The following MTHFD2L variants were observed in gnomAD, a reference collection of about 807,000 sequenced individuals.
MTHFD2L encodes the protein methylenetetrahydrofolate dehydrogenase (NADP+ dependent) 2 like, also known as bifunctional methylenetetrahydrofolate dehydrogenase/cyclohydrolase 2, mitochondrial.
Under a neutral mutation model 34.9 loss-of-function variants are expected in MTHFD2L, and 29 were observed. The ratio of observed to expected loss-of-function variants is 0.83; its 90% CI spans 0.62 to 1.13. The LOEUF (loss-of-function observed/expected upper bound fraction) is 1.13. Ranked by LOEUF, MTHFD2L falls within the 50% of genes most tolerant of loss-of-function variation. The probability of loss-of-function intolerance (pLI) is 0.00; values close to 1 mark genes in which losing one functional copy is unlikely to be tolerated. For missense variants in MTHFD2L, 481 were observed against 446.5 expected, an observed-to-expected ratio of 1.08 and a Z score of -0.70; for synonymous variants, 167 against 155.7, an observed-to-expected ratio of 1.07 and a Z score of -0.54.
chr4:74,186,438 G>GAAAAAAAAAAAAA (rs59325238), intron 3 of MTHFD2L, among the ~76,000 whole-genome samples: 12 of 88,194 alleles, frequency 1.4e-4, no homozygotes, highest in African/African-American at 1.8e-4. Flanking sequence ...GGGAATCCAT[G>GAAAAAAAAAAAAA]AAAAAAAAAA....
chr4:74,170,289 A>T (rs1727636092), intron 1 of MTHFD2L, among the ~76,000 whole-genome samples: 1 of 152,250 alleles, frequency 6.6e-6, no homozygotes, highest in Admixed American at 6.5e-5. Flanking sequence ...ACCAACTGGG[A>T]TGTATCCCAG....
intron 4 of MTHFD2L, among the ~76,000 whole-genome samples, chr4:74,200,925 G>A (rs1734306252): frequency 6.6e-6 from 1 of 151,990 alleles, no homozygotes; most frequent in Non-Finnish European, 1.5e-5. Context: ...AATTAAGTTC[G>A]ACATTGTTGT....
chr4:74,218,623 C>T (rs1411190098), intron 5 of MTHFD2L, among the ~76,000 whole-genome samples: 1 of 151,064 alleles, frequency 6.6e-6, no homozygotes, highest in African/African-American at 2.4e-5. Flanking sequence ...AGCCCCCCCC[C>T]CACCACCAAA....
chr4:74,230,914 T>C (rs1739947561), intron 6 of MTHFD2L, among the ~76,000 whole-genome samples: 1 of 152,110 alleles, frequency 6.6e-6, no homozygotes. Flanking sequence ...TTGTCCACAT[T>C]ACCCTCCACC....
intron 6 of MTHFD2L, among the ~76,000 whole-genome samples, chr4:74,255,229 G>A (rs1267817385): frequency 1.3e-5 from 2 of 151,698 alleles, no homozygotes; most frequent in East Asian, 1.9e-4. Context: ...ATTTGTGGGG[G>A]AAGGAGAAGT....
At chr4:74,194,065 G>A (rs1271832467) in intron 3 of MTHFD2L, 1 of 152,090 alleles carries the variant, frequency 6.6e-6, no homozygotes, top group East Asian at 1.9e-4. Flanking sequence ...TCAGATTGGG[G>A]ACTTAAAGAT....
chr4:74,260,562 T>C (rs539533909), intron 6 of MTHFD2L, among the ~76,000 whole-genome samples: 2 of 152,102 alleles, frequency 1.3e-5, no homozygotes, highest in Non-Finnish European at 2.9e-5. Flanking sequence ...TACTTTATGT[T>C]AATGACATAA....
At chr4:74,151,169 G>T (rs961704868) in intron 1 of MTHFD2L, among the ~76,000 whole-genome samples, 1 of 151,854 alleles carries the variant, frequency 6.6e-6, no homozygotes, top group Non-Finnish European at 1.5e-5. Flanking sequence ...ACAGTTAATG[G>T]TATTATAAGA....
intron 1 of MTHFD2L, chr4:74,143,503 G>A (rs1723404589): frequency 5.4e-6 from 5 of 920,264 alleles, no homozygotes; most frequent in Non-Finnish European, 6.5e-6. Context: ...TGGATGGAAG[G>A]GGCAGAAGAC....
At chr4:74,207,460 C>G (rs573898143) in intron 5 of MTHFD2L, among the ~76,000 whole-genome samples, 1 of 152,278 alleles carries the variant, frequency 6.6e-6, no homozygotes, top group South Asian at 2.1e-4. Flanking sequence ...CAATACTCAT[C>G]TAGTACTTAT....
intron 6 of MTHFD2L, among the ~76,000 whole-genome samples, chr4:74,246,779 A>T (rs1235267925): frequency 3.3e-5 from 5 of 152,178 alleles, no homozygotes; most frequent in Non-Finnish European, 7.3e-5. Flanking sequence ...GTCAAAGATC[A>T]GATAGGAGTA....
rs115147929 is a variant in MTHFD2L, at chr4:74,242,668, A to G, written c.805+17274A>G. On this transcript the variant is annotated intron_variant, in intron 6 of 7. Transcript: ENST00000325278. Reference sequence around the variant, plus strand: ...TATTCTGTTTTTGGCTATGGCTGCCACGATTTTGGACAGTGGGATGTGCTT... The same window carrying G: ...TATTCTGTTTTTGGCTATGGCTGCCGCGATTTTGGACAGTGGGATGTGCTT... Among the ~76,000 whole-genome samples, 703 of 152,314 alleles carry G rather than the reference A, an allele frequency of 4.6e-3. 6 individuals carry two copies. Among genetic ancestry groups the G allele is most frequent in the African/African-American group, 0.015 (637 of 41,562 alleles).
At chr4:74,175,139 A>G (rs1728778754) in intron 2 of MTHFD2L, 142 bp from the exon 3 acceptor site, 4 of 875,012 alleles carry the variant, frequency 4.6e-6, no homozygotes, top group Admixed American at 2.6e-5. Context: ...CACCTGTACT[A>G]TTGGAGAAAT....
chr4:74,234,281 A>G (rs1740519315), intron 6 of MTHFD2L, among the ~76,000 whole-genome samples: 1 of 152,042 alleles, frequency 6.6e-6, no homozygotes, highest in African/African-American at 2.4e-5. Context: ...TATAAGAATA[A>G]TGTTAATTAA....
At chr4:74,202,254 C>T (rs1734570477) in intron 5 of MTHFD2L, among the ~76,000 whole-genome samples, 1 of 152,094 alleles carries the variant, frequency 6.6e-6, no homozygotes, top group Non-Finnish European at 1.5e-5. Context: ...AATTAAGCAC[C>T]CATGGTAGAT....
intron 6 of MTHFD2L, chr4:74,268,232 A>T: frequency 1.0e-6 from 1 of 982,890 alleles, no homozygotes; most frequent in Non-Finnish European, 1.2e-6. Flanking sequence ...TTTAGCCATT[A>T]TATTACTGTC....
rs377169967 is a variant in MTHFD2L at position 74,278,377 on chromosome 4, T to C, written c.806-3048T>C. Reference sequence around the variant, plus strand: ...TCCCATTCAGATTCTTCTTGATACTTAGAATCCGTCATTCCAAAATTACAA... The same window carrying C: ...TCCCATTCAGATTCTTCTTGATACTCAGAATCCGTCATTCCAAAATTACAA... On this transcript the variant is annotated intron_variant, in intron 6 of 7. Coordinates refer to ENST00000325278, the MANE Select transcript of MTHFD2L (RefSeq NM_001144978.3). 1.2e-4 allele frequency among the ~76,000 whole-genome samples: 18 copies of C among 152,284 alleles called. No individual in the cohort carries two copies. In the East Asian group the frequency reaches 3.5e-3, roughly 29 times the overall value.
At chr4:74,173,722 A>G (rs16850522) in intron 1 of MTHFD2L, among the ~76,000 whole-genome samples, 2,041 of 152,312 alleles carry the variant, frequency 0.013, 34 homozygotes, top group African/African-American at 0.044. Flanking sequence ...GGCTGTGCTG[A>G]TTGATCTGCC....
At chr4:74,203,939 A>G (rs904290347) in intron 5 of MTHFD2L, among the ~76,000 whole-genome samples, 2 of 151,670 alleles carry the variant, frequency 1.3e-5, no homozygotes, top group African/African-American at 4.8e-5. Flanking sequence ...TATCTGTAAC[A>G]TAACAAGCAA....
Sources: allele counts gnomAD v4.1 joint callset (sites outside exome capture counted in the v4.1 genomes callset), GRCh38; gene constraint gnomAD v4.1.1; transcripts MANE v1.5; gene names NCBI Gene and HGNC (gene_info 2026-07-23, HGNC 2026-07-21).